The following TFDP1 variants were observed in gnomAD, a reference collection of about 807,000 sequenced individuals.
The protein encoded by TFDP1 is DRTF1-polypeptide 1.
A neutral mutation model predicts 48.0 loss-of-function variants in TFDP1; 6 were observed. The ratio of observed to expected loss-of-function variants is 0.13; its 90% CI spans 0.07 to 0.25. The LOEUF (loss-of-function observed/expected upper bound fraction) is 0.25. Among genes scored for constraint, TFDP1 ranks in the 10% least tolerant of loss-of-function variants. The pLI is 1.00. For synonymous variants in TFDP1, 201 were observed against 211.6 expected, an observed-to-expected ratio of 0.95 and a Z score of 0.44; for missense variants, 335 against 543.0, an observed-to-expected ratio of 0.62 and a Z score of 3.81.
At chr13:113,614,838 G>A (rs373745468) in intron 3 of TFDP1, among the ~76,000 whole-genome samples, 2 of 152,210 alleles carry the variant, frequency 1.3e-5, no homozygotes, top group African/African-American at 4.8e-5. Context: ...CAGGGTGGTT[G>A]GTGGTGAATT....
Position 113,620,569 on chromosome 13 carries a change from G to A in TFDP1, c.80-2611G>A, listed in dbSNP as rs538507532. Among the ~76,000 whole-genome samples, 10 of 152,292 alleles carry A rather than the reference G, an allele frequency of 6.6e-5. No homozygotes were observed. In the South Asian group the frequency reaches 1.9e-3, roughly 28 times the overall value. On this transcript the variant is annotated intron_variant, in intron 3 of 11. Coordinates refer to ENST00000375370, the MANE Select transcript of TFDP1 (RefSeq NM_007111.5). The stretch of plus-strand genomic sequence containing the variant: ...GTGAATCTGAAAAGTGTTTAATTGC[G>A]TACTTTAAATCATTCCCTGCATAGT...
intron 3 of TFDP1, among the ~76,000 whole-genome samples, chr13:113,620,372 G>A (rs569270364): frequency 7.2e-5 from 11 of 152,366 alleles, no homozygotes; most frequent in South Asian, 2.1e-4. Flanking sequence ...GGAAAGAGCC[G>A]CCTGGGCTGC....
rs1291111779 is a variant in TFDP1, at chr13:113,616,217, AAAAG to A, written c.79+5157_79+5160del. On this transcript the variant is annotated intron_variant, in intron 3 of 11. Coordinates refer to ENST00000375370, the MANE Select transcript of TFDP1 (RefSeq NM_007111.5). The stretch of plus-strand genomic sequence containing the variant: ...GACTCTGTCTCCAAAAAAAAAAAAA[AAAAG>A]AGTAAGTGTGTAAGTGTACATTTGA... Among the ~76,000 whole-genome samples the A allele has an allele frequency of 2.3e-4, 33 of 142,596 alleles. 1 individual carries two copies. The highest frequency in any genetic ancestry group is 1.0e-3 in the East Asian group (5 of 4,970). 93.5% of individuals were successfully genotyped at this position (142,596 alleles called of 152,430 possible).
At chr13:113,625,077 C>T (rs1231906739) in intron 4 of TFDP1, among the ~76,000 whole-genome samples, 3 of 110,310 alleles carry the variant, frequency 2.7e-5, no homozygotes, top group Non-Finnish European at 4.0e-5. Context: ...CTCACGTGTC[C>T]TCAGGTGTCT....
intron 4 of TFDP1, among the ~76,000 whole-genome samples, chr13:113,630,570 C>G (rs1024492107): frequency 6.6e-6 from 1 of 152,198 alleles, no homozygotes; most frequent in South Asian, 2.1e-4. Flanking sequence ...GCTCCAATCC[C>G]TTTAACGGAA....
At chr13:113,590,935 G>A (rs1257741013) in intron 2 of TFDP1, among the ~76,000 whole-genome samples, 3 of 146,862 alleles carry the variant, frequency 2.0e-5, no homozygotes, top group Admixed American at 6.9e-5. Flanking sequence ...GCGTGAACTC[G>A]GGAGGCGGAG....
chr13:113,634,491 AAC>A (rs2049420728), intron 7 of TFDP1, 41 bp from the exon 8 acceptor site: 3 of 1,557,540 alleles, frequency 1.9e-6, no homozygotes, highest in Non-Finnish European at 1.8e-6. Context: ...CGCTCTGTGG[AAC>A]AGTTGTGATG....
At chr13:113,628,740 T>G (rs952170053) in intron 4 of TFDP1, among the ~76,000 whole-genome samples, 7 of 152,194 alleles carry the variant, frequency 4.6e-5, no homozygotes, top group Admixed American at 6.5e-5. Context: ...CTCTGAACTA[T>G]CCTTCCCGGC....
rs1021829258 is a variant in TFDP1, at chr13:113,623,983, G to T, written c.186+697G>T. ...CCCAGGCACTTGGTGGGCAGGTTTG[G>T]CTGTGACTGGAGCTGGTGGTGAGGG... On this transcript the variant is annotated intron_variant, in intron 4 of 11. Transcript: ENST00000375370. This position sits in a 1 kb window ranked among gnomAD's most constrained non-coding sequence, Gnocchi z 5.2. Among the ~76,000 whole-genome samples, 1 of 152,192 alleles carries T rather than the reference G, an allele frequency of 6.6e-6. No individual in the cohort carries two copies. Among genetic ancestry groups the T allele is most frequent in the African/African-American group, 2.4e-5 (1 of 41,452 alleles).
chr13:113,606,226 A>T (rs930026739), intron 2 of TFDP1, among the ~76,000 whole-genome samples: 3 of 151,600 alleles, frequency 2.0e-5, no homozygotes, highest in Admixed American at 1.3e-4. Flanking sequence ...AGCCTGTTGG[A>T]AGGCCGCGTG....
intron 3 of TFDP1, among the ~76,000 whole-genome samples, chr13:113,618,176 C>T (rs1337767303): frequency 6.6e-6 from 1 of 152,148 alleles, no homozygotes; most frequent in African/African-American, 2.4e-5. Flanking sequence ...GTGTGGCAGT[C>T]TTATCAAGAA....
intron 3 of TFDP1, among the ~76,000 whole-genome samples, chr13:113,613,682 A>AGG (rs2048770880): frequency 8.0e-6 from 1 of 125,688 alleles, no homozygotes; most frequent in African/African-American, 3.1e-5. Context: ...TGTGTGCATG[A>AGG]GTGTGTGTGT....
At chr13:113,614,752 G>C (rs912872249) in intron 3 of TFDP1, among the ~76,000 whole-genome samples, 1 of 152,236 alleles carries the variant, frequency 6.6e-6, no homozygotes, top group Admixed American at 6.5e-5. Context: ...GTAGCAGCCA[G>C]TGAGCGACGG....
intron 2 of TFDP1, among the ~76,000 whole-genome samples, chr13:113,589,046 T>G (rs1438950990): frequency 6.6e-6 from 1 of 151,400 alleles, no homozygotes; most frequent in Non-Finnish European, 1.5e-5. Flanking sequence ...GGAGAGTGAG[T>G]GGCGGTGCTG....
chr13:113,624,829 GTCC>G (rs1439580110), intron 4 of TFDP1, among the ~76,000 whole-genome samples: 1 of 142,066 alleles, frequency 7.0e-6, no homozygotes, highest in Non-Finnish European at 1.5e-5. Context: ...TCTCTCACGT[GTCC>G]TCAGGTGTTT....
Position 113,640,486 on chromosome 13 carries a change from T to G in TFDP1, c.*219T>G, listed in dbSNP as rs1248490759. Reference sequence around the variant, plus strand: ...ATACCAGTGTGCTGATGCAGAGCGTTTATTTACTTGTTAGGATTTTGTGTT... The same window carrying G: ...ATACCAGTGTGCTGATGCAGAGCGTGTATTTACTTGTTAGGATTTTGTGTT... On this transcript the variant is annotated 3_prime_UTR_variant, in exon 12 of 12. Coordinates refer to ENST00000375370, the MANE Select transcript of TFDP1 (RefSeq NM_007111.5). 6.5e-6 allele frequency: 4 copies of G among 616,164 alleles called. No individual in the cohort carries two copies. The highest frequency in any genetic ancestry group is 4.5e-5 in the Admixed American group (1 of 22,054). The allele number at this position is 616,164 out of a possible 1,614,324, so 38.2% of individuals were successfully genotyped here. A position where few individuals can be genotyped will look rare whatever the true frequency, so the allele number is the denominator to read the frequency against.
Position 113,633,998 on chromosome 13 carries a change from C to T in TFDP1, c.583C>T (p.Pro195Ser). 1 of 1,614,160 alleles carries T rather than the reference C, an allele frequency of 6.2e-7. No homozygotes were observed. Among genetic ancestry groups the T allele is most frequent in the Non-Finnish European group, 8.5e-7 (1 of 1,180,026 alleles). ...EKKEIKWIGL[P>S]TNSAQECQNL... ...GAAGGAGATCAAGTGGATTGGTCTG[C>T]CCACCAACTCGGCTCAGGAATGTCA... The change falls in exon 7 of 12, where the codon CCC (proline) becomes TCC (serine). Residue 195 changes from proline to serine, a missense_variant. Pro to Ser is a moderately conservative substitution (Grantham distance 74). Around this residue, in one of 3 missense-constraint regions of TFDP1, gnomAD observed 204 missense variants for 287.1 expected, o/e 0.71. Coordinates refer to ENST00000375370, the MANE Select transcript of TFDP1 (RefSeq NM_007111.5). This position sits in a 1 kb window ranked among gnomAD's most constrained non-coding sequence, Gnocchi z 4.5.
At chr13:113,589,067 T>C (rs2048077657) in intron 2 of TFDP1, among the ~76,000 whole-genome samples, 1 of 151,840 alleles carries the variant, frequency 6.6e-6, no homozygotes, top group Admixed American at 6.6e-5. Flanking sequence ...GAGTGGGTGA[T>C]GTAGGGTCAC....
At chr13:113,586,334 T>A (rs2048002542) in intron 2 of TFDP1, among the ~76,000 whole-genome samples, 1 of 152,172 alleles carries the variant, frequency 6.6e-6, no homozygotes, top group Non-Finnish European at 1.5e-5. Context: ...TAAGGACTTG[T>A]TTTGGCCACT....
Sources: gnomAD v4.1 joint callset for allele counts (sites outside exome capture counted in the v4.1 genomes callset) on GRCh38, gnomAD v4.1.1 for gene constraint, gnomAD v4.1.1 regional missense constraint, Gnocchi (gnomAD v3.1) non-coding constraint, MANE v1.5 for transcripts, NCBI Gene and HGNC (gene_info 2026-07-23, HGNC 2026-07-21) for gene names.